The following CIT variants were observed in gnomAD, a reference collection of about 807,000 sequenced individuals.
CIT encodes the protein citron rho-interacting serine/threonine kinase.
A neutral mutation model predicts 272.7 loss-of-function variants in CIT; 79 were observed. That is an observed-to-expected ratio of 0.29 (90% CI 0.24 to 0.35). The LOEUF is 0.35. CIT is among the 10% of genes least tolerant of loss of function. The pLI is 1.00. For missense variants in CIT, 1,909 were observed against 2,618.3 expected, an observed-to-expected ratio of 0.73 and a Z score of 5.91; for synonymous variants, 948 against 995.6, an observed-to-expected ratio of 0.95 and a Z score of 0.90.
At chr12:119,743,174 A>G (rs1388008489) in intron 23 of CIT, among the ~76,000 whole-genome samples, 1 of 152,126 alleles carries the variant, frequency 6.6e-6, no homozygotes, top group East Asian at 1.9e-4. Context: ...GAAATGAATA[A>G]GTGCGTGATT....
rs776616477 is a variant in CIT at position 119,776,452 on chromosome 12, TA to T, written c.1837-45del. 33 of 1,558,078 alleles carry T rather than the reference TA, an allele frequency of 2.1e-5. 1 individual carries two copies. Among genetic ancestry groups the T allele is most frequent in the Non-Finnish European group, 2.7e-5 (31 of 1,132,670 alleles). On this transcript the variant is annotated intron_variant, in intron 14 of 47. Transcript: ENST00000392521. ...AACATATTGGGAAATCTCAACAACC[TA>T]AAAAAGTCGTGTAGACTACTTTCTT... is the stretch of plus-strand genomic sequence containing the variant.
chr12:119,703,587 G>A (rs766625854), intron 41 of CIT, among the ~76,000 whole-genome samples: 5 of 151,840 alleles, frequency 3.3e-5, no homozygotes, highest in South Asian at 2.1e-4. Context: ...CACCATGCCC[G>A]GCTAATTTTT....
chr12:119,794,783 C>T (rs1965598989), intron 10 of CIT, among the ~76,000 whole-genome samples: 1 of 152,186 alleles, frequency 6.6e-6, no homozygotes, highest in African/African-American at 2.4e-5. Context: ...GTCCAAAGCA[C>T]CCCATACCCA....
intron 24 of CIT, among the ~76,000 whole-genome samples, chr12:119,738,027 C>G (rs1029980590): frequency 1.3e-5 from 2 of 152,204 alleles, no homozygotes; most frequent in African/African-American, 4.8e-5. Flanking sequence ...GCAATGTTCA[C>G]TACTGTCCTT....
intron 23 of CIT, among the ~76,000 whole-genome samples, chr12:119,743,743 A>G (rs1379636793): frequency 2.6e-5 from 4 of 152,252 alleles, no homozygotes; most frequent in African/African-American, 9.6e-5. Flanking sequence ...TATGACTGTA[A>G]TATGCACCTT....
chr12:119,769,315 G>A (rs914511401), intron 18 of CIT, among the ~76,000 whole-genome samples: 1 of 152,146 alleles, frequency 6.6e-6, no homozygotes, highest in Non-Finnish European at 1.5e-5. Flanking sequence ...TGACTCCTTG[G>A]TAGTTTGGCA....
chr12:119,768,061 G>A lies in CIT; in HGVS notation c.2209-879C>T, dbSNP rs1458723704. On this transcript the variant is annotated intron_variant, in intron 18 of 47. Transcript: ENST00000392521. This position sits in a 1 kb window ranked among gnomAD's most constrained non-coding sequence, Gnocchi z 4.3. The stretch of plus-strand genomic sequence containing the variant: ...CAAGTAGCTGGGATTATAGGCATGC[G>A]CCACCATGCCCGGCTAATTTTTGTA... Among the ~76,000 whole-genome samples the A allele has an allele frequency of 1.3e-5, 2 of 151,928 alleles. No individual in the cohort carries two copies. Among genetic ancestry groups the A allele is most frequent in the African/African-American group, 2.4e-5 (1 of 41,352 alleles).
chr12:119,861,999 T>C (rs575036955), intron 3 of CIT, among the ~76,000 whole-genome samples: 1 of 152,166 alleles, frequency 6.6e-6, no homozygotes, highest in East Asian at 1.9e-4. Flanking sequence ...GTTGGTTTGT[T>C]TGTTTGTTTG....
chr12:119,729,172 T>G (rs1210400183), intron 27 of CIT, among the ~76,000 whole-genome samples: 1 of 152,086 alleles, frequency 6.6e-6, no homozygotes, highest in African/African-American at 2.4e-5. Flanking sequence ...TTAAGAACAG[T>G]CAACTAGAAA....
At chr12:119,870,934 C>T (rs12423355) in intron 2 of CIT, among the ~76,000 whole-genome samples, 2 of 152,018 alleles carry the variant, frequency 1.3e-5, no homozygotes, top group African/African-American at 2.4e-5. Flanking sequence ...GCCTGACCAA[C>T]GTGGTGAAAC....
chr12:119,825,172 T>C lies in CIT; in HGVS notation c.950A>G (p.Asn317Ser). ...CTTCTAAGGACTCTTTACCTGGAAA[T>C]TCATAATGTTATTGAAGGTTCTGGC... Reference protein sequence around the residue: ...TSARTFNNIMNFQRFLKFPDD... With the variant: ...TSARTFNNIMSFQRFLKFPDD... Residue 317 changes from asparagine to serine, a missense_variant, in exon 8 of 48, where the codon AAT becomes AGT. Transcript: ENST00000392521. The C allele has an allele frequency of 6.2e-7, 1 of 1,612,728 alleles. No homozygotes were observed. Among genetic ancestry groups the C allele is most frequent in the South Asian group, 1.1e-5 (1 of 90,822 alleles).
At chr12:119,813,032 C>G (rs571600990) in intron 9 of CIT, among the ~76,000 whole-genome samples, 1 of 152,218 alleles carries the variant, frequency 6.6e-6, no homozygotes, top group Non-Finnish European at 1.5e-5. Context: ...ATCAGGCCCC[C>G]TGTTGTGGCA....
intron 20 of CIT, among the ~76,000 whole-genome samples, chr12:119,758,933 C>T (rs926339341): frequency 6.6e-6 from 1 of 152,184 alleles, no homozygotes; most frequent in Non-Finnish European, 1.5e-5. Context: ...GCATTTAAAA[C>T]AGACATAAGG....
intron 23 of CIT, among the ~76,000 whole-genome samples, chr12:119,751,070 G>A (rs1960201220): frequency 6.6e-6 from 1 of 152,098 alleles, no homozygotes; most frequent in Non-Finnish European, 1.5e-5. Context: ...TCTGCTTGGC[G>A]GGTACAGTAT....
Position 119,697,909 on chromosome 12 carries a change from C to T in CIT, c.5702+67G>A. Reference sequence around the variant, plus strand: ...CATTGCTAGGCAAGTTAGGAAGGAACATGCGGCCGGCCCCAACACCTACCC... The same window carrying T: ...CATTGCTAGGCAAGTTAGGAAGGAATATGCGGCCGGCCCCAACACCTACCC... On this transcript the variant is annotated intron_variant, in intron 45 of 47. Coordinates refer to ENST00000392521, the MANE Select transcript of CIT (RefSeq NM_001206999.2). The surrounding 1 kb of genome is among the most constrained non-coding windows in gnomAD (Gnocchi z 4.9). The T allele has an allele frequency of 1.9e-6, 3 of 1,613,018 alleles. No homozygotes were observed. The highest frequency in any genetic ancestry group is 1.7e-6 in the Non-Finnish European group (2 of 1,179,044).
At chr12:119,788,898 T>C (rs1036629671) in intron 10 of CIT, among the ~76,000 whole-genome samples, 9 of 152,148 alleles carry the variant, frequency 5.9e-5, no homozygotes, top group African/African-American at 2.2e-4. Context: ...TCTTTTTCTT[T>C]AAGAATAAAT....
intron 20 of CIT, among the ~76,000 whole-genome samples, chr12:119,760,043 CG>C (rs893690428): frequency 6.6e-6 from 1 of 151,732 alleles, no homozygotes; most frequent in African/African-American, 2.4e-5. Context: ...AAAAATTAGC[CG>C]GGCACGGTGG....
At chr12:119,709,785 AGAGTGTGTGTGTGTGTGT>A (rs1257584552) in intron 39 of CIT, among the ~76,000 whole-genome samples, 5 of 52,486 alleles carry the variant, frequency 9.5e-5, no homozygotes, top group East Asian at 1.1e-3. Flanking sequence ...AGAGAGAGAG[AGAGTGTGTGTGTGTGTGT>A]GTGTGTGTGT....
chr12:119,850,824 A>T (rs994926966), intron 4 of CIT, among the ~76,000 whole-genome samples: 3 of 152,186 alleles, frequency 2.0e-5, no homozygotes, highest in Non-Finnish European at 4.4e-5. Context: ...GTGTGGGGGC[A>T]GCCCAGTATC....
Sources: gnomAD v4.1 joint callset for allele counts (sites outside exome capture counted in the v4.1 genomes callset) on GRCh38, gnomAD v4.1.1 for gene constraint, Gnocchi (gnomAD v3.1) non-coding constraint, MANE v1.5 for transcripts, NCBI Gene and HGNC (gene_info 2026-07-23, HGNC 2026-07-21) for gene names.